PUDP: variants seen among roughly 807,000 people sequenced by gnomAD.
PUDP encodes pseudouridine 5'-phosphatase.
In PUDP, 8 loss-of-function variants were observed where a neutral mutation model predicts 9.4. The ratio of observed to expected loss-of-function variants is 0.85; its 90% confidence interval spans 0.50 to 1.53. PUDP has a LOEUF of 1.53. Ranked by LOEUF, PUDP falls within the 40% of genes most tolerant of loss-of-function variation. The probability of loss-of-function intolerance (pLI) is 0.00; values close to 1 mark genes in which losing one functional copy is unlikely to be tolerated. For missense variants in PUDP, 188 were observed against 189.7 expected (o/e 0.99, Z 0.05); for synonymous variants, 99 against 80.7 (o/e 1.23, Z -1.22).
chrX:6,764,311 C>G (rs1925259818), intron 3 of PUDP, among the ~76,000 whole-genome samples: 1 of 111,745 alleles, frequency 8.9e-6, no homozygotes, highest in Admixed American at 9.5e-5. Flanking sequence ...TGCAAGGCAG[C>G]TGTTGAAATG....
chrX:6,871,582 C>T (rs143269538), intron 3 of PUDP, among the ~76,000 whole-genome samples: 124 of 111,606 alleles, frequency 1.1e-3, no homozygotes, highest in African/African-American at 3.8e-3. Context: ...TTCTTAAGAA[C>T]CAAGGTACCA....
intron 3 of PUDP, among the ~76,000 whole-genome samples, chrX:6,763,615 C>T (rs1925252769): frequency 9.0e-6 from 1 of 111,342 alleles, no homozygotes. Flanking sequence ...AACCACATGA[C>T]CTCTGTTTAT....
At chrX:7,004,965 A>G (rs1261266112) in intron 1 of PUDP, among the ~76,000 whole-genome samples, 2 of 112,325 alleles carry the variant, frequency 1.8e-5, no homozygotes, top group African/African-American at 6.5e-5. Flanking sequence ...TAAAGTTCTG[A>G]CAAAAAGGAA....
chrX:7,060,291 CCAAA>C (rs1361606934), intron 3 of PUDP, among the ~76,000 whole-genome samples: 1 of 112,148 alleles, frequency 8.9e-6, no homozygotes, highest in Non-Finnish European at 1.9e-5. Context: ...TCAGTGTTTC[CCAAA>C]CAAAGATGTG....
chrX:7,008,909 G>A, intron 1 of PUDP, among the ~76,000 whole-genome samples: 1 of 112,081 alleles, frequency 8.9e-6, no homozygotes, highest in Non-Finnish European at 1.9e-5. Context: ...CACCAGTTAA[G>A]CAAAAATAAA....
At position 6,728,198 on chromosome X, in the gene PUDP, C is replaced by T. The variant is rs145704772; in HGVS notation, c.*248-21732G>A. On this transcript the variant is annotated intron_variant and NMD_transcript_variant, in intron 3 of 3. Transcript: ENST00000655425. ...AGCTCTCATGAGACTTATTCACTACCACAAGAACAACATGGAGGAAACCGC... is the reference window on the plus strand; with the variant it reads ...AGCTCTCATGAGACTTATTCACTACTACAAGAACAACATGGAGGAAACCGC... 8.1e-5 allele frequency among the ~76,000 whole-genome samples: 9 copies of T among 110,702 alleles called. No homozygotes were observed. In the East Asian group the frequency reaches 2.6e-3, roughly 32 times the overall value.
At chrX:6,720,238 A>G (rs1460297374) in intron 1 of PUDP, among the ~76,000 whole-genome samples, 3 of 62,180 alleles carry the variant, frequency 4.8e-5, no homozygotes, top group African/African-American at 2.4e-4. Context: ...ATGTGTGTAT[A>G]TATGTATGTG....
intron 3 of PUDP, among the ~76,000 whole-genome samples, chrX:6,969,024 T>C (rs1928830898): frequency 8.9e-6 from 1 of 112,334 alleles, no homozygotes; most frequent in Non-Finnish European, 1.9e-5. Context: ...TAGGATTTAC[T>C]GAGACCAGCA....
intron 3 of PUDP, among the ~76,000 whole-genome samples, chrX:6,886,010 G>T (rs1371877282): frequency 8.9e-6 from 1 of 111,742 alleles, no homozygotes; most frequent in Non-Finnish European, 1.9e-5. Context: ...TTGTGTCTTG[G>T]CCTTCTTGTG....
At chrX:7,146,742 T>C (rs1425952505) in intron 1 of PUDP, among the ~76,000 whole-genome samples, 1 of 111,054 alleles carries the variant, frequency 9.0e-6, no homozygotes, top group African/African-American at 3.3e-5. Flanking sequence ...ACATCATTTA[T>C]ATTTAGAACT....
chrX:6,732,684 A>C (rs1924824475), intron 3 of PUDP, among the ~76,000 whole-genome samples: 1 of 109,536 alleles, frequency 9.1e-6, no homozygotes, highest in Non-Finnish European at 1.9e-5. Flanking sequence ...GAAGGAAAAG[A>C]AAAGGAGAGG....
At chrX:7,137,154 T>C (rs1279864570) in intron 1 of PUDP, among the ~76,000 whole-genome samples, 2 of 100,749 alleles carry the variant, frequency 2.0e-5, no homozygotes, top group Non-Finnish European at 4.0e-5. Context: ...GGCAGGAGAA[T>C]TGCTTGAACC....
At chrX:7,087,223 G>C (rs1438279326) in intron 2 of PUDP, among the ~76,000 whole-genome samples, 1 of 112,164 alleles carries the variant, frequency 8.9e-6, no homozygotes, top group Non-Finnish European at 1.9e-5. Flanking sequence ...AAAGAAAGGA[G>C]AGGGAAATTT....
intron 1 of PUDP, among the ~76,000 whole-genome samples, chrX:7,122,415 T>A (rs1932367635): frequency 8.9e-6 from 1 of 111,859 alleles, no homozygotes; most frequent in African/African-American, 3.3e-5. Context: ...GTCACAGAGA[T>A]GAATTGGCTC....
chrX:6,997,100 T>C (rs1266839800), intron 1 of PUDP, among the ~76,000 whole-genome samples: 1 of 112,334 alleles, frequency 8.9e-6, no homozygotes, highest in Non-Finnish European at 1.9e-5. Flanking sequence ...ATGGGATAAG[T>C]TTAACAACTT....
chrX:6,718,566 G>A (rs1003127931), intron 1 of PUDP, among the ~76,000 whole-genome samples: 2 of 111,235 alleles, frequency 1.8e-5, no homozygotes, highest in African/African-American at 6.5e-5. Flanking sequence ...TGGACATAAA[G>A]AGTGGAATAA....
chrX:7,107,422 G>T (rs779861834), intron 1 of PUDP, among the ~76,000 whole-genome samples: 1 of 112,798 alleles, frequency 8.9e-6, no homozygotes, highest in Non-Finnish European at 1.9e-5. Flanking sequence ...AGGCATGTAA[G>T]TCTTCATACT....
chrX:6,892,307 G>T (rs1159208725), intron 3 of PUDP, among the ~76,000 whole-genome samples: 1 of 111,496 alleles, frequency 9.0e-6, no homozygotes, highest in African/African-American at 3.3e-5. Flanking sequence ...GTTGGAACCT[G>T]TATTAGTCTG....
rs959239008 is a variant in PUDP, at chrX:6,933,308, C to G, written c.*247+43825G>C. 2.7e-5 allele frequency among the ~76,000 whole-genome samples: 3 copies of G among 111,183 alleles called. No homozygotes were observed. In the Admixed American group the frequency reaches 2.9e-4, roughly 11 times the overall value. On this transcript the variant is annotated intron_variant and NMD_transcript_variant, in intron 3 of 3. Coordinates refer to the PUDP transcript ENST00000655425. ...CAAAACTTCCAGAGGAATGATCAGA[C>G]AGCAGCATTCGCGGCTCACGAAAAA...
Sources: allele counts gnomAD v4.1 joint callset (sites outside exome capture counted in the v4.1 genomes callset), GRCh38; gene constraint gnomAD v4.1.1; transcripts MANE v1.5; gene names NCBI Gene and HGNC (gene_info 2026-07-23, HGNC 2026-07-21).